The following RAB3GAP1 variants were observed in gnomAD, a reference collection of about 807,000 sequenced individuals.
The protein encoded by RAB3GAP1 is rab3 GTPase-activating protein catalytic subunit.
A neutral mutation model predicts 130.7 loss-of-function variants in RAB3GAP1; 86 were observed. The ratio of observed to expected loss-of-function variants is 0.66; its 90% CI spans 0.55 to 0.79. The LOEUF is 0.79. Among genes scored for constraint, RAB3GAP1 ranks in the 30% least tolerant of loss-of-function variants. The probability of loss-of-function intolerance (pLI) is 0.00; values close to 1 mark genes in which losing one functional copy is unlikely to be tolerated. For synonymous variants in RAB3GAP1, 367 were observed against 401.7 expected, an observed-to-expected ratio of 0.91 and a Z score of 1.03; for missense variants, 1,029 against 1,169.4, an observed-to-expected ratio of 0.88 and a Z score of 1.75.
chr2:135,088,080 A>T (rs1384192245), intron 3 of RAB3GAP1, among the ~76,000 whole-genome samples: 1 of 152,130 alleles, frequency 6.6e-6, no homozygotes, highest in Non-Finnish European at 1.5e-5. Flanking sequence ...ATACAATCAG[A>T]TCTTCCTCTA....
chr2:135,082,442 C>CTT (rs746223510), intron 3 of RAB3GAP1, among the ~76,000 whole-genome samples: 7 of 141,616 alleles, frequency 4.9e-5, no homozygotes, highest in East Asian at 2.0e-4. Flanking sequence ...AATACACACA[C>CTT]TTTTTTTTTT....
intron 2 of RAB3GAP1, among the ~76,000 whole-genome samples, chr2:135,056,280 GCAA>G (rs1375929222): frequency 3.3e-5 from 5 of 151,976 alleles, no homozygotes; most frequent in African/African-American, 9.7e-5. Flanking sequence ...TTGGCTCACT[GCAA>G]CCTCTGCCAC....
At chr2:135,118,264 T>G (rs920864107) in intron 7 of RAB3GAP1, among the ~76,000 whole-genome samples, 5 of 152,004 alleles carry the variant, frequency 3.3e-5, no homozygotes, top group African/African-American at 4.8e-5. Flanking sequence ...TCTTGGCTAT[T>G]TATTAGCAGT....
Position 135,112,815 on chromosome 2 carries a change from GTCTC to G in RAB3GAP1, c.363-319_363-316del, listed in dbSNP as rs377254626. On this transcript the variant is annotated intron_variant, in intron 5 of 23. Coordinates refer to ENST00000264158, the MANE Select transcript of RAB3GAP1 (RefSeq NM_012233.3). The stretch of plus-strand genomic sequence containing the variant: ...GGAAAAAGTATTTACAACTGTCAAA[GTCTC>G]TCTCTCTCTCTCTCTCACACACACA... Among the ~76,000 whole-genome samples the G allele has an allele frequency of 5.5e-3, 813 of 146,990 alleles. 5 individuals carry two copies. Among genetic ancestry groups the G allele is most frequent in the Middle Eastern group, 0.014 (4 of 288 alleles).
chr2:135,153,627 GA>G, intron 18 of RAB3GAP1, 21 bp from the exon 19 acceptor site: 2 of 1,608,630 alleles, frequency 1.2e-6, no homozygotes, highest in Non-Finnish European at 1.7e-6. Context: ...TGATTCTGCT[GA>G]ATTTTTTTGT....
At chr2:135,095,270 G>C (rs1294867708) in intron 5 of RAB3GAP1, among the ~76,000 whole-genome samples, 5 of 152,124 alleles carry the variant, frequency 3.3e-5, no homozygotes, top group Admixed American at 2.0e-4. Context: ...GGATGGTCTC[G>C]ATCTCCTGAC....
chr2:135,112,485 G>C (rs1011578431), intron 5 of RAB3GAP1, among the ~76,000 whole-genome samples: 13 of 152,276 alleles, frequency 8.5e-5, no homozygotes, highest in Middle Eastern at 3.4e-3. Context: ...GCTAAAGCAC[G>C]GAGAGGTTAA....
At position 135,135,302 on chromosome 2, in the gene RAB3GAP1, C is replaced by A. The variant is rs1195048399; in HGVS notation, c.1537C>A (p.Leu513Met). The change falls in exon 16 of 24, where the codon CTG (leucine) becomes ATG (methionine). Residue 513 changes from leucine to methionine, a missense_variant. This residue lies in a region of RAB3GAP1 where 373 missense variants were observed against 493.6 expected (regional missense o/e 0.76). Transcript: ENST00000264158. The part of the protein sequence containing the change: ...SGPPDLRCCL[L>M]HQKLQMLNCC... Reference sequence around the variant, plus strand: ...ACCCCCAGATCTGAGGTGTTGTTTACTGCATCAGAAACTACAGGTAAAGAT... The same window carrying A: ...ACCCCCAGATCTGAGGTGTTGTTTAATGCATCAGAAACTACAGGTAAAGAT... The A allele has an allele frequency of 6.2e-7, 1 of 1,609,190 alleles. No homozygotes were observed. The highest frequency in any genetic ancestry group is 1.3e-5 in the African/African-American group (1 of 74,908).
chr2:135,071,576 A>T (rs1377791931), intron 3 of RAB3GAP1, among the ~76,000 whole-genome samples: 2 of 152,156 alleles, frequency 1.3e-5, no homozygotes, highest in Non-Finnish European at 1.5e-5. Flanking sequence ...GAAGATACAA[A>T]GATATGTTGC....
intron 17 of RAB3GAP1, among the ~76,000 whole-genome samples, chr2:135,138,777 T>A (rs974755537): frequency 2.0e-5 from 3 of 151,994 alleles, no homozygotes; most frequent in African/African-American, 7.2e-5. Context: ...CCAGGCTGAT[T>A]TTTTCACTTT....
At chr2:135,073,967 G>A (rs976023867) in intron 3 of RAB3GAP1, among the ~76,000 whole-genome samples, 1 of 152,094 alleles carries the variant, frequency 6.6e-6, no homozygotes, top group African/African-American at 2.4e-5. Context: ...ATCTGCTGAG[G>A]GACTTCTCGA....
At chr2:135,106,278 CG>C (rs1558778195) in intron 5 of RAB3GAP1, among the ~76,000 whole-genome samples, 1 of 152,192 alleles carries the variant, frequency 6.6e-6, no homozygotes, top group African/African-American at 2.4e-5. Context: ...TCATTGAGAA[CG>C]GGCCATGATG....
intron 3 of RAB3GAP1, among the ~76,000 whole-genome samples, chr2:135,083,740 T>C (rs531242393): frequency 2.7e-5 from 4 of 148,972 alleles, no homozygotes; most frequent in African/African-American, 9.9e-5. Flanking sequence ...ACCGGGATTA[T>C]AGGCGTCAGC....
At chr2:135,150,234 C>A in intron 17 of RAB3GAP1, 135 bp from the exon 18 acceptor site, 1 of 1,046,038 alleles carries the variant, frequency 9.6e-7, no homozygotes, top group Non-Finnish European at 1.4e-6. Context: ...AAAACTTATG[C>A]ATTTCTCTGA....
intron 23 of RAB3GAP1, chr2:135,167,761 C>G (rs1692699940): frequency 1.4e-6 from 2 of 1,425,320 alleles, no homozygotes; most frequent in South Asian, 2.5e-5. Flanking sequence ...CCTTCCCATC[C>G]CTCTAATTTC....
At chr2:135,093,575 A>T in intron 4 of RAB3GAP1, 40 bp from the exon 5 acceptor site, 1 of 1,476,404 alleles carries the variant, frequency 6.8e-7, no homozygotes, top group Non-Finnish European at 9.5e-7. Flanking sequence ...CTGCCTGATC[A>T]TGAACATACT....
chr2:135,135,986 C>A, intron 17 of RAB3GAP1, 54 bp downstream of exon 17: 1 of 1,588,578 alleles, frequency 6.3e-7, no homozygotes, highest in Non-Finnish European at 8.6e-7. Flanking sequence ...TATATAACTT[C>A]ATCCTAGTAG....
Position 135,080,053 on chromosome 2 carries a change from C to T in RAB3GAP1, c.151-10945C>T, listed in dbSNP as rs545571188. ...AATGGCGTGAACCCGGAAGGCGGAG[C>T]TTGCAGTGAGCGGAGATCGCACCAC... On this transcript the variant is annotated intron_variant, in intron 3 of 23. Coordinates refer to ENST00000264158, the MANE Select transcript of RAB3GAP1 (RefSeq NM_012233.3). Among the ~76,000 whole-genome samples the T allele has an allele frequency of 1.4e-3, 210 of 144,918 alleles. 1 individual carries two copies. Among genetic ancestry groups the T allele is most frequent in the African/African-American group, 5.3e-3 (202 of 38,240 alleles).
chr2:135,087,222 A>G (rs897983531), intron 3 of RAB3GAP1, among the ~76,000 whole-genome samples: 5 of 152,166 alleles, frequency 3.3e-5, no homozygotes, highest in African/African-American at 1.2e-4. Flanking sequence ...GTGAAGTCAA[A>G]TGTAAGTGCG....
Sources: allele counts gnomAD v4.1 joint callset (sites outside exome capture counted in the v4.1 genomes callset), GRCh38; gene constraint gnomAD v4.1.1; regional missense constraint gnomAD v4.1.1; transcripts MANE v1.5; gene names NCBI Gene and HGNC (gene_info 2026-07-23, HGNC 2026-07-21).